The following MYO3B variants were observed in gnomAD, a reference collection of about 807,000 sequenced individuals.
MYO3B encodes myosin-IIIb.
A neutral mutation model predicts 174.6 loss-of-function variants in MYO3B; 156 were observed. That is an observed-to-expected ratio of 0.89 (90% CI 0.78 to 1.02). The LOEUF is 1.02. Among genes scored for constraint, MYO3B ranks in the 50% least tolerant of loss-of-function variants. MYO3B has a pLI of 0.00. For synonymous variants in MYO3B, 563 were observed against 569.1 expected (o/e 0.99, Z 0.15); for missense variants, 1,632 against 1,639.4 (o/e 1.00, Z 0.08).
chr2:170,565,169 A>G (rs1368155177), intron 32 of MYO3B, among the ~76,000 whole-genome samples: 1 of 152,222 alleles, frequency 6.6e-6, no homozygotes, highest in Non-Finnish European at 1.5e-5. Flanking sequence ...GATTGAACAA[A>G]AAAGATAGTA....
intron 16 of MYO3B, among the ~76,000 whole-genome samples, chr2:170,397,152 A>T (rs886394865): frequency 6.6e-6 from 1 of 152,226 alleles, no homozygotes; most frequent in Non-Finnish European, 1.5e-5. Flanking sequence ...GTAAAAAAAA[A>T]TGACATATTG....
chr2:170,575,936 T>G (rs527483995), intron 32 of MYO3B, among the ~76,000 whole-genome samples: 16 of 152,272 alleles, frequency 1.1e-4, no homozygotes, highest in African/African-American at 3.6e-4. Flanking sequence ...CTTTAGAGAT[T>G]TATGAACAGT....
At chr2:170,547,309 G>A (rs1399513648) in intron 32 of MYO3B, among the ~76,000 whole-genome samples, 8 of 149,494 alleles carry the variant, frequency 5.4e-5, no homozygotes, top group African/African-American at 1.2e-4. Flanking sequence ...CAGCCTGGGC[G>A]ACAGAGCAAG....
intron 28 of MYO3B, among the ~76,000 whole-genome samples, chr2:170,511,744 C>G (rs1472499088): frequency 1.3e-5 from 2 of 152,124 alleles, no homozygotes; most frequent in African/African-American, 2.4e-5. Context: ...TTGGGGTACC[C>G]ACAAAATATT....
chr2:170,648,908 AATAT>A lies in MYO3B; in HGVS notation c.3734-2714_3734-2711del, dbSNP rs1181507768. On this transcript the variant is annotated intron_variant, in intron 32 of 34. Transcript: ENST00000408978. The stretch of plus-strand genomic sequence containing the variant: ...ATATTATATATGAAATAGTATATAA[AATAT>A]ATATAATATATATAAAATATGATAT... 6.6e-5 allele frequency among the ~76,000 whole-genome samples: 7 copies of A among 106,612 alleles called. No homozygotes were observed. In the South Asian group the frequency reaches 1.2e-3, roughly 18 times the overall value. 69.9% of individuals were successfully genotyped at this position (106,612 alleles called of 152,430 possible). A position where few individuals can be genotyped will look rare whatever the true frequency, so the allele number is the denominator to read the frequency against.
intron 7 of MYO3B, among the ~76,000 whole-genome samples, chr2:170,310,520 TG>T (rs2093731366): frequency 1.3e-5 from 2 of 151,884 alleles, no homozygotes; most frequent in African/African-American, 4.8e-5. Context: ...AAAAATTAGC[TG>T]GGCATGTTGG....
At chr2:170,317,675 C>T (rs1360181027) in intron 7 of MYO3B, among the ~76,000 whole-genome samples, 1 of 152,126 alleles carries the variant, frequency 6.6e-6, no homozygotes, top group Non-Finnish European at 1.5e-5. Context: ...CTCCAAGGAG[C>T]CCTAACCTTA....
chr2:170,551,733 T>A (rs2883803), intron 32 of MYO3B, among the ~76,000 whole-genome samples: 116,938 of 151,926 alleles, frequency 0.77, 45,538 homozygotes, highest in African/African-American at 0.87. Flanking sequence ...TTTGCTTAAG[T>A]GACTGATATG....
chr2:170,368,335 G>A (rs756064501), intron 8 of MYO3B, among the ~76,000 whole-genome samples: 6 of 152,204 alleles, frequency 3.9e-5, no homozygotes, highest in Non-Finnish European at 8.8e-5. Flanking sequence ...AAGGGTAGAT[G>A]TTAAAATTTC....
At chr2:170,274,707 A>G (rs892737270) in intron 7 of MYO3B, among the ~76,000 whole-genome samples, 1 of 152,204 alleles carries the variant, frequency 6.6e-6, no homozygotes, top group African/African-American at 2.4e-5. Flanking sequence ...CTATGTGCTT[A>G]TCAAAATGCA....
At chr2:170,253,858 T>C (rs1328862788) in intron 7 of MYO3B, among the ~76,000 whole-genome samples, 1 of 113,146 alleles carries the variant, frequency 8.8e-6, no homozygotes, top group Non-Finnish European at 1.7e-5. Context: ...CAGAGAAAAC[T>C]GGTGATGCTG....
Position 170,402,883 on chromosome 2 carries a change from A to G in MYO3B, c.2165A>G (p.Asp722Gly), listed in dbSNP as rs759375127. The change falls in exon 19 of 35, where the codon GAT becomes GGT. Residue 722 changes from aspartate (D) to glycine (G), a missense_variant. By Grantham distance (94) the Asp-to-Gly change is moderately conservative (BLOSUM62 -1). Coordinates refer to ENST00000408978, the MANE Select transcript of MYO3B (RefSeq NM_138995.5). ...AGGGMNVGIL[D>G]IFGFENFQRN... ...GGTGGAATGAATGTGGGGATCTTGG[A>G]TATCTTTGGATTCGAGAATTTTCAG... is the stretch of plus-strand genomic sequence containing the variant. 6.2e-7 allele frequency: 1 copy of G among 1,612,044 alleles called. No homozygotes were observed. Among genetic ancestry groups the G allele is most frequent in the South Asian group, 1.1e-5 (1 of 90,804 alleles).
In MYO3B at chr2:170,616,448, T is replaced by A. The variant is rs558868127; in HGVS notation, c.3734-35180T>A. Among the ~76,000 whole-genome samples the A allele has an allele frequency of 8.5e-5, 13 of 152,272 alleles. No homozygotes were observed. In the South Asian group the frequency reaches 2.7e-3, roughly 32 times the overall value. ...ACGTGCAGTTGGCTCATTCTGGCAG[T>A]CCAACCTGGCATTGTCTTTACACAA... is the stretch of plus-strand genomic sequence containing the variant. On this transcript the variant is annotated intron_variant, in intron 32 of 34. Transcript: ENST00000408978.
intron 32 of MYO3B, among the ~76,000 whole-genome samples, chr2:170,618,231 C>G (rs375043859): frequency 1.2e-3 from 181 of 152,158 alleles, no homozygotes; most frequent in African/African-American, 4.2e-3. Flanking sequence ...ACATAGACCT[C>G]GATAGGAGCA....
chr2:170,461,733 G>A (rs184561176), intron 23 of MYO3B, among the ~76,000 whole-genome samples: 94 of 149,842 alleles, frequency 6.3e-4, no homozygotes, highest in African/African-American at 2.2e-3. Flanking sequence ...CTGAGATCGC[G>A]CCATTGCACT....
chr2:170,220,628 CAAAAAA>C (rs71006077), intron 6 of MYO3B, among the ~76,000 whole-genome samples: 17 of 85,924 alleles, frequency 2.0e-4, no homozygotes, highest in Admixed American at 5.4e-4. Context: ...GATTCCGTCT[CAAAAAA>C]AAAAAAAAAA....
At chr2:170,329,684 A>G (rs1267953415) in intron 7 of MYO3B, among the ~76,000 whole-genome samples, 1 of 151,854 alleles carries the variant, frequency 6.6e-6, no homozygotes, top group African/African-American at 2.4e-5. Flanking sequence ...GTGAGCCACC[A>G]TGCCCAGCCA....
chr2:170,190,684 T>C (rs1267830790), intron 1 of MYO3B, among the ~76,000 whole-genome samples: 1 of 152,052 alleles, frequency 6.6e-6, no homozygotes, highest in Non-Finnish European at 1.5e-5. Context: ...AAGGCCCAAA[T>C]GCTCTTCAGT....
At chr2:170,460,487 CAAAAAAAAAA>C (rs36000141) in intron 23 of MYO3B, among the ~76,000 whole-genome samples, 9 of 73,704 alleles carry the variant, frequency 1.2e-4, no homozygotes, top group Admixed American at 4.1e-4. Flanking sequence ...GACTCCGTCT[CAAAAAAAAAA>C]AAAAAAAAAA....
Sources: allele counts gnomAD v4.1 joint callset (sites outside exome capture counted in the v4.1 genomes callset), GRCh38; gene constraint gnomAD v4.1.1; transcripts MANE v1.5; gene names NCBI Gene and HGNC (gene_info 2026-07-23, HGNC 2026-07-21).